The following KMT5A variants were observed in gnomAD, a reference collection of about 807,000 sequenced individuals.
KMT5A encodes N-lysine methyltransferase KMT5A.
KMT5A carries 6 observed loss-of-function variants against 40.6 expected under a neutral mutation model. That is an observed-to-expected ratio of 0.15 (90% CI 0.08 to 0.29). The LOEUF is 0.29. Among genes scored for constraint, KMT5A ranks in the 10% least tolerant of loss-of-function variants. The pLI is 1.00. For missense variants in KMT5A, 308 were observed against 459.1 expected (o/e 0.67, Z 3.01); for synonymous variants, 153 against 178.8 (o/e 0.86, Z 1.15).
intron 1 of KMT5A, among the ~76,000 whole-genome samples, chr12:123,386,829 C>A (rs566178366): frequency 2.6e-5 from 4 of 152,144 alleles, no homozygotes; most frequent in Admixed American, 6.6e-5. Flanking sequence ...CCCTTAGCAC[C>A]TGGTGGGGGG....
chr12:123,397,558 C>T (rs191158804), intron 5 of KMT5A, among the ~76,000 whole-genome samples: 1 of 152,132 alleles, frequency 6.6e-6, no homozygotes, highest in African/African-American at 2.4e-5. Flanking sequence ...ATTTTCTTCC[C>T]CACAGAGAGC....
At position 123,409,171 on chromosome 12, in the gene KMT5A, C is replaced by A. The variant is rs1357248241; in HGVS notation, c.*1468C>A. The A allele has an allele frequency of 6.6e-6, 1 of 152,524 alleles. No homozygotes were observed. Among genetic ancestry groups the A allele is most frequent in the African/African-American group, 2.4e-5 (1 of 41,434 alleles). The allele number at this position is 152,524 out of a possible 1,614,324, so 9.4% of individuals were successfully genotyped here. On this transcript the variant is annotated 3_prime_UTR_variant, in exon 8 of 8. Transcript: ENST00000402868. ...TACCTAAGAAAGTCTTCCCTCCCACCCCCCGCTAGCCTGGTCAGTGGTCAG... is the reference window on the plus strand; with the variant it reads ...TACCTAAGAAAGTCTTCCCTCCCACACCCCGCTAGCCTGGTCAGTGGTCAG...
chr12:123,401,141 T>G (rs1375523319), intron 5 of KMT5A, among the ~76,000 whole-genome samples: 5 of 93,270 alleles, frequency 5.4e-5, no homozygotes, highest in Non-Finnish European at 1.1e-4. Context: ...AATATATATC[T>G]TTCTTTTTTT....
chr12:123,407,449 CCT>C, intron 7 of KMT5A, 42 bp from the exon 8 acceptor site: 1 of 1,587,288 alleles, frequency 6.3e-7, no homozygotes, highest in South Asian at 1.1e-5. Flanking sequence ...GGTTGAAAAG[CCT>C]CTTTATCCAT....
intron 5 of KMT5A, among the ~76,000 whole-genome samples, chr12:123,397,753 A>T (rs1185395528): frequency 6.9e-6 from 1 of 143,942 alleles, no homozygotes; most frequent in Admixed American, 7.3e-5. Flanking sequence ...CGCAACCTCC[A>T]TCTCTTGGGT....
rs768764646 is a variant in KMT5A, at chr12:123,390,584, ATCT to A, written c.133-37_133-35del. 95 of 1,603,018 alleles carry A rather than the reference ATCT, an allele frequency of 5.9e-5. No individual in the cohort carries two copies. The South Asian group carries it at 6.1e-4, about 10-fold the overall frequency. ...TCCTCCTCCTCGTGAATGCTCTAGG[ATCT>A]TCTTCTTCAAGCCTCTTTCAGAATA... is the stretch of plus-strand genomic sequence containing the variant. On this transcript the variant is annotated intron_variant, in intron 2 of 7. Coordinates refer to ENST00000402868, the MANE Select transcript of KMT5A (RefSeq NM_020382.7).
chr12:123,405,159 T>C, intron 7 of KMT5A, 85 bp downstream of exon 7: 1 of 1,338,652 alleles, frequency 7.5e-7, no homozygotes, highest in South Asian at 1.5e-5. Flanking sequence ...TGATTCTGTT[T>C]GGTGGCCAGT....
At position 123,384,753 on chromosome 12, in the gene KMT5A, G is replaced by T. The variant is rs770766271; in HGVS notation, c.10+545G>T. ...CTGGAGCGAAGGCCGGGCCCCGCTG[G>T]CCCACTTTGGGGTAAAACGGGTTCC... On this transcript the variant is annotated intron_variant, in intron 1 of 7. Coordinates refer to ENST00000402868, the MANE Select transcript of KMT5A (RefSeq NM_020382.7). The surrounding 1 kb of genome is among the most constrained non-coding windows in gnomAD (Gnocchi z 5.7). Among the ~76,000 whole-genome samples, 34 of 152,260 alleles carry T rather than the reference G, an allele frequency of 2.2e-4. No individual in the cohort carries two copies. Among genetic ancestry groups the T allele is most frequent in the Non-Finnish European group, 4.4e-4 (30 of 68,046 alleles).
chr12:123,384,214 T>G lies in KMT5A; in HGVS notation c.10+6T>G, dbSNP rs573769576. On this transcript the variant is annotated splice_donor_region_variant and intron_variant, in intron 1 of 7. Transcript: ENST00000402868. The surrounding 1 kb of genome is among the most constrained non-coding windows in gnomAD (Gnocchi z 5.7). The stretch of plus-strand genomic sequence containing the variant: ...GAGTGGAGCCATGGCTAGAGGTATT[T>G]GCCCAAGTGGCCGGCACCGGAGCGG... 2 of 1,613,492 alleles carry G rather than the reference T, an allele frequency of 1.2e-6. No homozygotes were observed. Among genetic ancestry groups the G allele is most frequent in the South Asian group, 2.2e-5 (2 of 91,058 alleles).
At chr12:123,394,073 G>T (rs1877506293) in intron 3 of KMT5A, among the ~76,000 whole-genome samples, 1 of 150,524 alleles carries the variant, frequency 6.6e-6, no homozygotes, top group South Asian at 2.1e-4. Context: ...TTATATCTGT[G>T]AGCAGCGTAC....
intron 5 of KMT5A, among the ~76,000 whole-genome samples, chr12:123,399,496 C>T (rs1877989085): frequency 6.6e-6 from 1 of 152,222 alleles, no homozygotes; most frequent in African/African-American, 2.4e-5. Flanking sequence ...TTCCACTACC[C>T]CGGTCTTTCC....
At chr12:123,385,198 C>T (rs1253010684) in intron 1 of KMT5A, among the ~76,000 whole-genome samples, 1 of 152,026 alleles carries the variant, frequency 6.6e-6, no homozygotes, top group East Asian at 1.9e-4. Context: ...TGTTTTCAGG[C>T]CCTGAAGTCA....
At chr12:123,397,954 T>G (rs1291102009) in intron 5 of KMT5A, among the ~76,000 whole-genome samples, 1 of 150,434 alleles carries the variant, frequency 6.6e-6, no homozygotes, top group Non-Finnish European at 1.5e-5. Context: ...ATTACAGACG[T>G]GAGCCACCGT....
chr12:123,392,088 G>C (rs1877358471), intron 3 of KMT5A, among the ~76,000 whole-genome samples: 1 of 152,154 alleles, frequency 6.6e-6, no homozygotes, highest in Admixed American at 6.6e-5. Flanking sequence ...CACACACACA[G>C]GACTGTTTTG....
In KMT5A at chr12:123,404,998, C is replaced by T. The variant is rs1176879178; in HGVS notation, c.772C>T (p.Arg258Trp). ...DLIEITDAKK[R>W]EALYAQDPST... ...CATCGAGATCACCGACGCCAAGAAA[C>T]GGGAGGCTCTGTACGCACAGGACCC... Residue 258 changes from arginine to tryptophan, a missense_variant, in exon 7 of 8, where the codon CGG becomes TGG. This residue lies in a region of KMT5A where 77 missense variants were observed against 220.0 expected (regional missense o/e 0.35). Transcript: ENST00000402868. 2.5e-6 allele frequency: 4 copies of T among 1,614,000 alleles called. No homozygotes were observed. The highest frequency in any genetic ancestry group is 3.4e-6 in the Non-Finnish European group (4 of 1,180,022).
At chr12:123,404,815 C>A in intron 6 of KMT5A, 69 bp from the exon 7 acceptor site, 1 of 1,488,788 alleles carries the variant, frequency 6.7e-7, no homozygotes. Context: ...CCCAGCTCCC[C>A]GGAGACCTGC....
intron 5 of KMT5A, among the ~76,000 whole-genome samples, chr12:123,396,713 G>A (rs1877755834): frequency 6.6e-6 from 1 of 152,216 alleles, no homozygotes; most frequent in Non-Finnish European, 1.5e-5. Flanking sequence ...TGACTCTGAA[G>A]GTGGATTTTC....
rs756376927 is a variant in KMT5A, at chr12:123,395,094, G to A, written c.337G>A (p.Glu113Lys). Residue 113 changes from glutamate to lysine, a missense_variant, in exon 4 of 8, where the codon GAA becomes AAA. Around this residue, in one of 4 missense-constraint regions of KMT5A, gnomAD observed 127 missense variants for 129.8 expected, o/e 0.98. Transcript: ENST00000402868. Reference sequence around the variant, plus strand: ...AGTACGGAGCGCCATGAAGTCCGAGGAACAGAAGATCAAAGACGCCAGGAA... The same window carrying A: ...AGTACGGAGCGCCATGAAGTCCGAGAAACAGAAGATCAAAGACGCCAGGAA... ...NAVRSAMKSEEQKIKDARKGP... is the reference protein window; with the variant it reads ...NAVRSAMKSEKQKIKDARKGP... 7 of 1,595,954 alleles carry A rather than the reference G, an allele frequency of 4.4e-6. No individual in the cohort carries two copies. In the South Asian group the frequency reaches 7.9e-5, roughly 18 times the overall value.
At chr12:123,386,992 G>T (rs1056676976) in intron 1 of KMT5A, among the ~76,000 whole-genome samples, 3 of 152,090 alleles carry the variant, frequency 2.0e-5, no homozygotes, top group African/African-American at 7.2e-5. Context: ...AAGTAGCTGG[G>T]ATTACAGGCA....
Sources: gnomAD v4.1 joint callset for allele counts (sites outside exome capture counted in the v4.1 genomes callset) on GRCh38, gnomAD v4.1.1 for gene constraint, gnomAD v4.1.1 regional missense constraint, Gnocchi (gnomAD v3.1) non-coding constraint, MANE v1.5 for transcripts, NCBI Gene and HGNC (gene_info 2026-07-23, HGNC 2026-07-21) for gene names.